Variants in ABLIM2 observed in about 807,000 individuals in gnomAD.
The protein encoded by ABLIM2 is actin binding LIM protein family member 2, also known as actin-binding LIM protein 2.
In ABLIM2, 53 loss-of-function variants were observed where a neutral mutation model predicts 97.7. The ratio of observed to expected loss-of-function variants is 0.54; its 90% CI spans 0.44 to 0.68. The LOEUF is 0.68. Among genes scored for constraint, ABLIM2 ranks in the 30% least tolerant of loss-of-function variants. The probability of loss-of-function intolerance (pLI) is 0.00; values close to 1 mark genes in which losing one functional copy is unlikely to be tolerated. For synonymous variants in ABLIM2, 361 were observed against 345.8 expected (o/e 1.04, Z -0.49); for missense variants, 835 against 867.2 (o/e 0.96, Z 0.47).
intron 1 of ABLIM2, among the ~76,000 whole-genome samples, chr4:8,134,966 C>G (rs1533506): frequency 0.28 from 43,126 of 152,166 alleles, 8,026 homozygotes; most frequent in African/African-American, 0.53. Flanking sequence ...GGAGCCAGTG[C>G]GTCCCATGCG....
chr4:8,037,001 T>C (rs1216173722), intron 9 of ABLIM2, among the ~76,000 whole-genome samples: 1 of 152,200 alleles, frequency 6.6e-6, no homozygotes, highest in Non-Finnish European at 1.5e-5. Context: ...CTGTAGCCTG[T>C]GCACATCCTC....
chr4:8,000,860 G>A (rs1211062878), intron 16 of ABLIM2, among the ~76,000 whole-genome samples: 7 of 152,160 alleles, frequency 4.6e-5, no homozygotes, highest in Non-Finnish European at 8.8e-5. Context: ...CCAGGGCCCT[G>A]AGCCTGTTCT....
intron 14 of ABLIM2, among the ~76,000 whole-genome samples, chr4:8,016,824 G>C (rs1470738325): frequency 6.6e-6 from 1 of 152,170 alleles, no homozygotes; most frequent in Non-Finnish European, 1.5e-5. Flanking sequence ...CTCCAGCCTC[G>C]AGCCTCTGCC....
Position 8,061,224 on chromosome 4 carries a change from G to A in ABLIM2, c.676-170C>T, listed in dbSNP as rs1023427975. Among the ~76,000 whole-genome samples the A allele has an allele frequency of 6.6e-6, 1 of 152,164 alleles. No individual in the cohort carries two copies. The highest frequency in any genetic ancestry group is 2.4e-5 in the African/African-American group (1 of 41,452). The stretch of plus-strand genomic sequence containing the variant: ...ACCCCTGAGCAGAGCCCAGACCCGG[G>A]GGTGCCCCCGGGCTGTCCAAGGCGC... On this transcript the variant is annotated intron_variant, in intron 6 of 20. Coordinates refer to ENST00000447017, the MANE Select transcript of ABLIM2 (RefSeq NM_001130083.2). This position sits in a 1 kb window ranked among gnomAD's most constrained non-coding sequence, Gnocchi z 4.5.
At chr4:8,020,094 G>A in intron 13 of ABLIM2, 108 bp downstream of exon 13, 1 of 984,556 alleles carries the variant, frequency 1.0e-6, no homozygotes, top group Non-Finnish European at 1.5e-6. Context: ...AGCCTGGAGT[G>A]TCGTCTGGCG....
chr4:8,073,687 T>C lies in ABLIM2; in HGVS notation c.675+3941A>G, dbSNP rs146445134. Among the ~76,000 whole-genome samples, 167 of 152,272 alleles carry C rather than the reference T, an allele frequency of 1.1e-3. 1 individual carries two copies. The highest frequency in any genetic ancestry group is 2.7e-3 in the Admixed American group (42 of 15,300). On this transcript the variant is annotated intron_variant, in intron 6 of 20. Coordinates refer to ENST00000447017, the MANE Select transcript of ABLIM2 (RefSeq NM_001130083.2). Reference sequence around the variant, plus strand: ...AAATACTTATAGGACAGACAGAACATCTGCAGCCTTATGTGATCCACCCGC... The same window carrying C: ...AAATACTTATAGGACAGACAGAACACCTGCAGCCTTATGTGATCCACCCGC...
intron 6 of ABLIM2, among the ~76,000 whole-genome samples, chr4:8,073,431 G>A (rs1433063559): frequency 6.6e-6 from 1 of 151,884 alleles, no homozygotes; most frequent in Non-Finnish European, 1.5e-5. Context: ...ACGTGGCTTT[G>A]GACTGCCAGG....
chr4:7,999,428 T>C lies in ABLIM2; in HGVS notation c.1619-6501A>G, dbSNP rs576400686. ...ACTTGACTCTCACCAGCCTACACAC[T>C]AAACATGAACCCATTTTACAGATGA... On this transcript the variant is annotated intron_variant, in intron 16 of 20. Coordinates refer to ENST00000447017, the MANE Select transcript of ABLIM2 (RefSeq NM_001130083.2). The surrounding 1 kb of genome is among the most constrained non-coding windows in gnomAD (Gnocchi z 4.4). Among the ~76,000 whole-genome samples, 2 of 152,326 alleles carry C rather than the reference T, an allele frequency of 1.3e-5. No homozygotes were observed. Among genetic ancestry groups the C allele is most frequent in the African/African-American group, 4.8e-5 (2 of 41,576 alleles).
At chr4:8,139,734 G>A (rs370104625) in intron 1 of ABLIM2, among the ~76,000 whole-genome samples, 36 of 152,208 alleles carry the variant, frequency 2.4e-4, no homozygotes, top group South Asian at 1.9e-3. Context: ...CATTTGAACC[G>A]GCAATCCCAT....
At chr4:8,077,604 A>G in intron 6 of ABLIM2, 24 bp downstream of exon 6, 1 of 1,582,342 alleles carries the variant, frequency 6.3e-7, no homozygotes, top group Non-Finnish European at 8.6e-7. Flanking sequence ...CAGAGCGGGC[A>G]GGGGCCCGGC....
chr4:8,154,868 G>T (rs1047285000), intron 1 of ABLIM2, among the ~76,000 whole-genome samples: 14 of 152,224 alleles, frequency 9.2e-5, no homozygotes, highest in African/African-American at 3.1e-4. Context: ...GCTCCACATG[G>T]CTAGGGAGGC....
In ABLIM2 at chr4:8,147,446, G is replaced by C. The variant is rs978828488; in HGVS notation, c.10+11234C>G. Among the ~76,000 whole-genome samples the C allele has an allele frequency of 2.0e-5, 3 of 152,132 alleles. No individual in the cohort carries two copies. The highest frequency in any genetic ancestry group is 4.4e-5 in the Non-Finnish European group (3 of 68,030). ...TGTGACATATATGGTTAAAAGGGGAGGGGTCTTTGCAGATGTGATTTACAT... is the reference window on the plus strand; with the variant it reads ...TGTGACATATATGGTTAAAAGGGGACGGGTCTTTGCAGATGTGATTTACAT... On this transcript the variant is annotated intron_variant, in intron 1 of 20. Coordinates refer to ENST00000447017, the MANE Select transcript of ABLIM2 (RefSeq NM_001130083.2). This position sits in a 1 kb window ranked among gnomAD's most constrained non-coding sequence, Gnocchi z 5.3.
At chr4:7,982,641 G>T (rs1469321109) in intron 20 of ABLIM2, among the ~76,000 whole-genome samples, 1 of 152,188 alleles carries the variant, frequency 6.6e-6, no homozygotes, top group Admixed American at 6.5e-5. Context: ...GTGGTCGGGT[G>T]GGAAGCTGGG....
intron 16 of ABLIM2, among the ~76,000 whole-genome samples, chr4:8,000,493 C>G (rs778186595): frequency 5.5e-4 from 83 of 152,180 alleles, no homozygotes; most frequent in Admixed American, 1.4e-3. Flanking sequence ...GGACTAGCGC[C>G]CGCATGCAGT....
At chr4:8,045,275 G>A in intron 8 of ABLIM2, 34 bp from the exon 9 acceptor site, 4 of 1,585,866 alleles carry the variant, frequency 2.5e-6, no homozygotes, top group Non-Finnish European at 3.5e-6. Context: ...TTGAAGGCAG[G>A]TACCAACATT....
chr4:8,143,172 C>T (rs1163723226), intron 1 of ABLIM2, among the ~76,000 whole-genome samples: 3 of 118,760 alleles, frequency 2.5e-5, no homozygotes, highest in Middle Eastern at 5.7e-3. Context: ...GGGGGGGGGG[C>T]GTCTGCAAAT....
intron 1 of ABLIM2, among the ~76,000 whole-genome samples, chr4:8,117,891 C>T (rs563756322): frequency 1.3e-5 from 2 of 152,332 alleles, no homozygotes; most frequent in East Asian, 1.9e-4. Context: ...GATGGGTTGT[C>T]CCCACCCCAG....
intron 1 of ABLIM2, among the ~76,000 whole-genome samples, chr4:8,138,341 A>C (rs1409677200): frequency 6.6e-6 from 1 of 152,208 alleles, no homozygotes; most frequent in Non-Finnish European, 1.5e-5. Flanking sequence ...AGTGTATTTA[A>C]TCACAATAAA....
chr4:8,049,830 C>T (rs961089024), intron 8 of ABLIM2, among the ~76,000 whole-genome samples: 4 of 152,186 alleles, frequency 2.6e-5, no homozygotes, highest in African/African-American at 7.2e-5. Context: ...CCGTCTCAAG[C>T]GATTCTCGTG....
Sources: gnomAD v4.1 joint callset for allele counts (sites outside exome capture counted in the v4.1 genomes callset) on GRCh38, gnomAD v4.1.1 for gene constraint, Gnocchi (gnomAD v3.1) non-coding constraint, MANE v1.5 for transcripts, NCBI Gene and HGNC (gene_info 2026-07-23, HGNC 2026-07-21) for gene names.